The following ADAMTSL1 variants were observed in gnomAD, a reference collection of about 807,000 sequenced individuals.
The protein encoded by ADAMTSL1 is ADAMTS-like protein 1.
ADAMTSL1 carries 126 observed loss-of-function variants against 201.8 expected under a neutral mutation model. The observed-to-expected ratio is 0.62, with a 90% CI of 0.54 to 0.72. The LOEUF is 0.72. Among genes scored for constraint, ADAMTSL1 ranks in the 30% least tolerant of loss-of-function variants. The pLI, the probability that ADAMTSL1 is intolerant of heterozygous loss-of-function variation, is 0.00. For missense variants in ADAMTSL1, 2,679 were observed against 2,277.8 expected (o/e 1.18, Z -3.59); for synonymous variants, 1,121 against 903.4 (o/e 1.24, Z -4.32).
At chr9:18,294,008 A>T (rs1481956641) in intron 2 of ADAMTSL1, among the ~76,000 whole-genome samples, 1 of 152,190 alleles carries the variant, frequency 6.6e-6, no homozygotes, top group Non-Finnish European at 1.5e-5. Flanking sequence ...CAGTTACCAG[A>T]CTCAGAACCA....
chr9:18,870,796 G>A (rs539341702), intron 23 of ADAMTSL1, among the ~76,000 whole-genome samples: 55 of 152,084 alleles, frequency 3.6e-4, no homozygotes, highest in Non-Finnish European at 6.8e-4. Flanking sequence ...TGTTTTTCTC[G>A]GGGTTTGTTT....
intron 3 of ADAMTSL1, among the ~76,000 whole-genome samples, chr9:18,548,680 C>T (rs181286532): frequency 4.6e-5 from 7 of 151,936 alleles, no homozygotes; most frequent in Non-Finnish European, 7.4e-5. Flanking sequence ...TGGTGATTTT[C>T]TAGAACGTAA....
intron 2 of ADAMTSL1, among the ~76,000 whole-genome samples, chr9:18,379,794 AC>A (rs1389441786): frequency 2.6e-5 from 4 of 152,256 alleles, no homozygotes; most frequent in Non-Finnish European, 2.9e-5. Flanking sequence ...AGGCACAATT[AC>A]TGTAAGAAGG....
chr9:18,415,798 G>A (rs1818648180), intron 2 of ADAMTSL1, among the ~76,000 whole-genome samples: 1 of 151,980 alleles, frequency 6.6e-6, no homozygotes, highest in Non-Finnish European at 1.5e-5. Flanking sequence ...CTTAAATGCA[G>A]CCAGAGGAAA....
At chr9:18,675,065 C>T (rs1432318293) in intron 9 of ADAMTSL1, among the ~76,000 whole-genome samples, 1 of 152,150 alleles carries the variant, frequency 6.6e-6, no homozygotes, top group Non-Finnish European at 1.5e-5. Flanking sequence ...TCTTGTGGAT[C>T]CTGAGCATTC....
chr9:18,844,922 T>C (rs1230204174), intron 23 of ADAMTSL1, among the ~76,000 whole-genome samples: 1 of 152,134 alleles, frequency 6.6e-6, no homozygotes, highest in African/African-American at 2.4e-5. Flanking sequence ...AGTGACCCGA[T>C]TTTCCAGGTG....
At chr9:18,317,562 A>G (rs1478321185) in intron 2 of ADAMTSL1, among the ~76,000 whole-genome samples, 1 of 152,198 alleles carries the variant, frequency 6.6e-6, no homozygotes, top group Non-Finnish European at 1.5e-5. Flanking sequence ...TTTGTCAATT[A>G]TGCCTCAGGA....
At chr9:18,874,613 C>T (rs1222560717) in intron 23 of ADAMTSL1, among the ~76,000 whole-genome samples, 3 of 152,016 alleles carry the variant, frequency 2.0e-5, no homozygotes, top group Non-Finnish European at 4.4e-5. Context: ...TGCCTGCATC[C>T]CTGGTATGAA....
intron 1 of ADAMTSL1, among the ~76,000 whole-genome samples, chr9:17,966,381 G>C (rs746758315): frequency 6.6e-6 from 1 of 152,096 alleles, no homozygotes; most frequent in African/African-American, 2.4e-5. Flanking sequence ...GAAGTTGAAG[G>C]TGAACACCAC....
intron 2 of ADAMTSL1, among the ~76,000 whole-genome samples, chr9:18,520,682 C>G (rs1486850841): frequency 1.3e-5 from 2 of 152,208 alleles, no homozygotes; most frequent in African/African-American, 4.8e-5. Context: ...TGTTCCCAGC[C>G]AGCTCACCTA....
At position 18,335,868 on chromosome 9, in the gene ADAMTSL1, G is replaced by A. The variant is rs1474465160; in HGVS notation, c.208-168961G>A. On this transcript the variant is annotated intron_variant, in intron 2 of 29. Coordinates refer to the ADAMTSL1 transcript ENST00000680146. ...TTGAATGTTTGCCTAATTGAATTTG[G>A]GAGGTTGTAGAAATGTTTCCAGAAA... is the stretch of plus-strand genomic sequence containing the variant. 1.3e-5 allele frequency among the ~76,000 whole-genome samples: 2 copies of A among 152,054 alleles called. 1 individual carries two copies. The highest frequency in any genetic ancestry group is 2.9e-5 in the Non-Finnish European group (2 of 67,996).
chr9:18,604,573 TGTCATAGCAA>T (rs1349897961), intron 4 of ADAMTSL1, among the ~76,000 whole-genome samples: 1 of 152,246 alleles, frequency 6.6e-6, no homozygotes, highest in Non-Finnish European at 1.5e-5. Flanking sequence ...GGTTCTTCTA[TGTCATAGCAA>T]GTCATAATTA....
chr9:18,539,759 T>G (rs902704349), intron 3 of ADAMTSL1, among the ~76,000 whole-genome samples: 3 of 152,210 alleles, frequency 2.0e-5, no homozygotes, highest in East Asian at 1.9e-4. Context: ...AAATAAATGT[T>G]ATTTATGAAT....
chr9:18,068,650 A>C (rs1483169519), intron 1 of ADAMTSL1, among the ~76,000 whole-genome samples: 1 of 152,174 alleles, frequency 6.6e-6, no homozygotes, highest in Non-Finnish European at 1.5e-5. Context: ...GCCATGACTG[A>C]CTATGTGTCC....
intron 2 of ADAMTSL1, among the ~76,000 whole-genome samples, chr9:18,524,118 C>T (rs576054427): frequency 2.0e-3 from 295 of 150,508 alleles, no homozygotes; most frequent in Middle Eastern, 3.4e-3. Context: ...TTTATTTCCT[C>T]GAGCAGTGGT....
rs912797291 is a variant in ADAMTSL1 at position 18,097,887 on chromosome 9, T to C, written c.88-65975T>C. Among the ~76,000 whole-genome samples, 8 of 152,080 alleles carry C rather than the reference T, an allele frequency of 5.3e-5. No individual in the cohort carries two copies. In the South Asian group the frequency reaches 8.3e-4, roughly 16 times the overall value. ...TTGTTTTTTTTTTGAGTGTGTATAC[T>C]GAGAAATCTTTGCATTCTCCCAAAA... On this transcript the variant is annotated intron_variant, in intron 1 of 29. Coordinates refer to the ADAMTSL1 transcript ENST00000680146.
At chr9:18,310,958 T>C (rs146086717) in intron 2 of ADAMTSL1, among the ~76,000 whole-genome samples, 10 of 152,280 alleles carry the variant, frequency 6.6e-5, no homozygotes, top group Middle Eastern at 3.4e-3. Flanking sequence ...CCAACCCAAA[T>C]GCCCATCAGT....
chr9:17,941,752 T>C lies in ADAMTSL1; in HGVS notation c.87+34830T>C, dbSNP rs142537900. Reference sequence around the variant, plus strand: ...TGTTCAGGCTACTATAATACACTACTTGTAGACTTGTTGGCTTACAAGCAA... The same window carrying C: ...TGTTCAGGCTACTATAATACACTACCTGTAGACTTGTTGGCTTACAAGCAA... On this transcript the variant is annotated intron_variant, in intron 1 of 29. Coordinates refer to the ADAMTSL1 transcript ENST00000680146. Among the ~76,000 whole-genome samples, 565 of 152,260 alleles carry C rather than the reference T, an allele frequency of 3.7e-3. 7 individuals carry two copies. The highest frequency in any genetic ancestry group is 0.013 in the African/African-American group (530 of 41,558).
chr9:18,209,471 C>G (rs1445362729), intron 2 of ADAMTSL1, among the ~76,000 whole-genome samples: 1 of 152,040 alleles, frequency 6.6e-6, no homozygotes, highest in East Asian at 1.9e-4. Flanking sequence ...GACCATGGAA[C>G]CAAAACGCAA....
Sources: allele counts gnomAD v4.1 joint callset (sites outside exome capture counted in the v4.1 genomes callset), GRCh38; gene constraint gnomAD v4.1.1; transcripts MANE v1.5; gene names NCBI Gene and HGNC (gene_info 2026-07-23, HGNC 2026-07-21).